DOP1A: variants seen among roughly 807,000 people sequenced by gnomAD.
DOP1A encodes the protein protein DOP1A.
In DOP1A, 90 loss-of-function variants were observed where a neutral mutation model predicts 267.6. The observed-to-expected ratio is 0.34, with a 90% CI of 0.28 to 0.40. The LOEUF (loss-of-function observed/expected upper bound fraction) is 0.40. Ranked by LOEUF, DOP1A falls within the 10% of genes least tolerant of loss-of-function variation. The pLI, the probability that DOP1A is intolerant of heterozygous loss-of-function variation, is 1.00. For synonymous variants in DOP1A, 932 were observed against 999.1 expected (o/e 0.93, Z 1.27); for missense variants, 2,437 against 2,900.4 (o/e 0.84, Z 3.67).
chr6:83,122,872 A>G lies in DOP1A; in HGVS notation c.1230A>G (p.Arg410=), dbSNP rs1216684074. ...KDHAQLSSKL[R]ENKKTAELIK... is the part of the protein sequence containing the mutation. ...TTTTCTCTTTTTTCAGTAAATTAAGAGAAAATAAGAAAACAGCAGAGCTGA... is the reference window on the plus strand; with the variant it reads ...TTTTCTCTTTTTTCAGTAAATTAAGGGAAAATAAGAAAACAGCAGAGCTGA... Residue 410 remains arginine (R), a synonymous_variant, in exon 12 of 39, where the codon AGA becomes AGG. Coordinates refer to ENST00000349129, the MANE Select transcript of DOP1A (RefSeq NM_015018.4). The G allele has an allele frequency of 6.8e-7, 1 of 1,472,462 alleles. No homozygotes were observed. The highest frequency in any genetic ancestry group is 9.0e-7 in the Non-Finnish European group (1 of 1,108,934). The allele number at this position is 1,472,462 out of a possible 1,614,324, so 91.2% of individuals were successfully genotyped here.
chr6:83,146,412 A>G (rs1219386446), intron 25 of DOP1A, among the ~76,000 whole-genome samples: 1 of 152,196 alleles, frequency 6.6e-6, no homozygotes, highest in Non-Finnish European at 1.5e-5. Flanking sequence ...AAAGGGAGTA[A>G]GATGTGTGTG....
Position 83,138,067 on chromosome 6 carries a change from T to C in DOP1A, c.4025T>C (p.Ile1342Thr). The part of the protein sequence containing the change: ...ENWYSCGEGD[I>T]SEIESDMGSP... ...TGGTATAGCTGTGGAGAGGGAGACA[T>C]TTCTGAAATTGAGAGTGACATGGGT... The change falls in exon 21 of 39, where the codon ATT (isoleucine) becomes ACT (threonine). Residue 1342 changes from isoleucine to threonine, a missense_variant. This residue lies in a region of DOP1A where 878 missense variants were observed against 992.9 expected (regional missense o/e 0.88). Transcript: ENST00000349129. 1.2e-6 allele frequency: 2 copies of C among 1,613,644 alleles called. No homozygotes were observed. Among genetic ancestry groups the C allele is most frequent in the Non-Finnish European group, 1.7e-6 (2 of 1,179,798 alleles).
chr6:83,115,944 G>C (rs535757403), intron 7 of DOP1A, among the ~76,000 whole-genome samples: 7 of 152,064 alleles, frequency 4.6e-5, no homozygotes, highest in Admixed American at 1.3e-4. Context: ...ATCTTATGTT[G>C]GATAGATCAG....
In DOP1A at chr6:83,144,023, T is replaced by C. The variant is rs976380250; in HGVS notation, c.5542-1501T>C. ...TTGTTAACAGCAACACTGGGAATTT[T>C]GATGGGAAGTTAGTTTCAACCCATA... On this transcript the variant is annotated intron_variant, in intron 24 of 38. Transcript: ENST00000349129. Among the ~76,000 whole-genome samples, 14 of 152,286 alleles carry C rather than the reference T, an allele frequency of 9.2e-5. No homozygotes were observed. In the South Asian group the frequency reaches 2.5e-3, roughly 27 times the overall value.
intron 1 of DOP1A, among the ~76,000 whole-genome samples, chr6:83,074,732 C>T (rs147712951): frequency 5.3e-5 from 8 of 152,278 alleles, no homozygotes; most frequent in South Asian, 2.1e-4. Context: ...AGTGAATCAA[C>T]GTGAATGTAC....
downstream of DOP1A, chr6:83,169,634 G>A (rs912492919): frequency 8.4e-6 from 4 of 474,156 alleles, no homozygotes; most frequent in African/African-American, 2.0e-5. Context: ...CAGTAAGTAA[G>A]TACTAATGCC....
rs1179460025 is a variant in DOP1A, at chr6:83,138,634, G to A, written c.4592G>A (p.Cys1531Tyr). The part of the protein sequence containing the change: ...KCKVQKVILH[C>Y]LLSSIFSAQK... The stretch of plus-strand genomic sequence containing the variant: ...AAAGTTCAGAAAGTGATTCTTCATT[G>A]TTTGCTGTCATCTATCTTTAGTGCT... Residue 1531 changes from cysteine (C) to tyrosine (Y), a missense_variant, in exon 21 of 39, where the codon TGT (cysteine) becomes TAT (tyrosine). By Grantham distance (194) the Cys-to-Tyr change is radical. This residue lies in a region of DOP1A where 878 missense variants were observed against 992.9 expected (regional missense o/e 0.88). Transcript: ENST00000349129. The A allele has an allele frequency of 3.7e-6, 6 of 1,613,704 alleles. No homozygotes were observed. Among genetic ancestry groups the A allele is most frequent in the Non-Finnish European group, 5.1e-6 (6 of 1,179,916 alleles).
chr6:83,089,522 T>C (rs1287241930), intron 1 of DOP1A, among the ~76,000 whole-genome samples: 1 of 152,204 alleles, frequency 6.6e-6, no homozygotes, highest in Non-Finnish European at 1.5e-5. Context: ...TTTATCTGAG[T>C]TGTAACTTTG....
chr6:83,100,753 A>G lies in DOP1A; in HGVS notation c.187A>G (p.Ile63Val). 5 of 1,559,306 alleles carry G rather than the reference A, an allele frequency of 3.2e-6. No homozygotes were observed. Among genetic ancestry groups the G allele is most frequent in the African/African-American group, 2.7e-5 (2 of 73,216 alleles). ...KYQVVPKKLT[I>V]GKRLAQCLHP... is the part of the protein sequence containing the mutation. ...CCAAGTAGTACCCAAAAAGCTGACC[A>G]TAGGCAAACGCCTAGCTCAATGTCT... is the stretch of plus-strand genomic sequence containing the variant. The change falls in exon 4 of 39, where the codon ATA becomes GTA. Residue 63 changes from isoleucine to valine, a missense_variant. Coordinates refer to ENST00000349129, the MANE Select transcript of DOP1A (RefSeq NM_015018.4).
chr6:83,138,438 A>T lies in DOP1A; in HGVS notation c.4396A>T (p.Ser1466Cys), dbSNP rs1160758732. The T allele has an allele frequency of 6.2e-7, 1 of 1,612,404 alleles. No individual in the cohort carries two copies. Among genetic ancestry groups the T allele is most frequent in the East Asian group, 2.2e-5 (1 of 44,854 alleles). Reference sequence around the variant, plus strand: ...TTCTCTCTGCTTATATTACATGCGTAGCCATTACCCAACTCATGTCAAGGT... The same window carrying T: ...TTCTCTCTGCTTATATTACATGCGTTGCCATTACCCAACTCATGTCAAGGT... ...LISLCLYYMR[S>C]HYPTHVKVTA... is the part of the protein sequence containing the mutation. Residue 1466 changes from serine (S) to cysteine (C), a missense_variant, in exon 21 of 39, where the codon AGC (serine) becomes TGC (cysteine). By Grantham distance (112) the Ser-to-Cys change is moderately radical. Around this residue, in one of 9 missense-constraint regions of DOP1A, gnomAD observed 878 missense variants for 992.9 expected, o/e 0.88. Transcript: ENST00000349129.
intron 1 of DOP1A, among the ~76,000 whole-genome samples, chr6:83,088,455 A>G (rs1582887574): frequency 9.1e-6 from 1 of 110,388 alleles, no homozygotes; most frequent in South Asian, 2.8e-4. Context: ...ATGGAGTCTC[A>G]CTCTGTCCCC....
At chr6:83,112,700 T>C (rs1402864142) in intron 6 of DOP1A, among the ~76,000 whole-genome samples, 1 of 152,132 alleles carries the variant, frequency 6.6e-6, no homozygotes, top group African/African-American at 2.4e-5. Context: ...CCTGACCAAG[T>C]GATCTACCCA....
intron 1 of DOP1A, among the ~76,000 whole-genome samples, chr6:83,094,954 A>G (rs1205326835): frequency 6.6e-6 from 1 of 151,564 alleles, no homozygotes; most frequent in Non-Finnish European, 1.5e-5. Context: ...TTTTTTTGAG[A>G]TGGAATCTCA....
chr6:83,099,685 T>C, intron 3 of DOP1A, among the ~76,000 whole-genome samples: 1 of 95,022 alleles, frequency 1.1e-5, no homozygotes, highest in African/African-American at 4.3e-5. Context: ...TGCATATGTG[T>C]GTGTGTGTGT....
intron 4 of DOP1A, among the ~76,000 whole-genome samples, chr6:83,105,523 C>T (rs1773467445): frequency 6.6e-6 from 1 of 151,822 alleles, no homozygotes; most frequent in South Asian, 2.1e-4. Context: ...TGCTACCATA[C>T]CCAGCTAATT....
chr6:83,138,767 C>T lies in DOP1A; in HGVS notation c.4725C>T (p.Gly1575=). Residue 1575 remains glycine, a synonymous_variant, in exon 21 of 39, where the codon GGC becomes GGT. Coordinates refer to ENST00000349129, the MANE Select transcript of DOP1A (RefSeq NM_015018.4). Reference sequence around the variant, plus strand: ...TCTCAGAGGATGAATTTGACAATGGCAGCACGTTGCAGTCACAACTTCTTA... The same window carrying T: ...TCTCAGAGGATGAATTTGACAATGGTAGCACGTTGCAGTCACAACTTCTTA... ...INFSEDEFDN[G]STLQSQLLKV... 2 of 1,614,050 alleles carry T rather than the reference C, an allele frequency of 1.2e-6. No homozygotes were observed. Among genetic ancestry groups the T allele is most frequent in the Admixed American group, 1.7e-5 (1 of 60,020 alleles).
At chr6:83,148,338 G>T (rs761098062) in intron 26 of DOP1A, among the ~76,000 whole-genome samples, 1 of 152,008 alleles carries the variant, frequency 6.6e-6, no homozygotes, top group African/African-American at 2.4e-5. Flanking sequence ...TGCTTGAACC[G>T]GGGAGGTGGA....
chr6:83,137,273 C>G lies in DOP1A; in HGVS notation c.3231C>G (p.Asp1077Glu), dbSNP rs1322123659. Residue 1077 changes from aspartate (D) to glutamate (E), a missense_variant, in exon 21 of 39, where the codon GAC becomes GAG. Asp to Glu is a conservative substitution (Grantham distance 45, BLOSUM62 2). Around this residue, in one of 9 missense-constraint regions of DOP1A, gnomAD observed 878 missense variants for 992.9 expected, o/e 0.88. Coordinates refer to ENST00000349129, the MANE Select transcript of DOP1A (RefSeq NM_015018.4). Reference protein sequence around the residue: ...NFSLTVNPLSDRLSLLSTSSE... With the variant: ...NFSLTVNPLSERLSLLSTSSE... ...GTCTCACTGTGAATCCATTAAGTGACAGACTTTCCCTCCTAAGTACCAGCA... is the reference window on the plus strand; with the variant it reads ...GTCTCACTGTGAATCCATTAAGTGAGAGACTTTCCCTCCTAAGTACCAGCA... The G allele has an allele frequency of 6.2e-7, 1 of 1,613,638 alleles. No homozygotes were observed. Among genetic ancestry groups the G allele is most frequent in the Non-Finnish European group, 8.5e-7 (1 of 1,179,738 alleles).
intron 1 of DOP1A, among the ~76,000 whole-genome samples, chr6:83,087,434 T>C (rs1317014001): frequency 6.6e-6 from 1 of 152,118 alleles, no homozygotes; most frequent in East Asian, 1.9e-4. Flanking sequence ...AAAAAACATG[T>C]AGTTGAGTTT....
Sources: allele counts gnomAD v4.1 joint callset (sites outside exome capture counted in the v4.1 genomes callset), GRCh38; gene constraint gnomAD v4.1.1; regional missense constraint gnomAD v4.1.1; transcripts MANE v1.5; gene names NCBI Gene and HGNC (gene_info 2026-07-23, HGNC 2026-07-21).